The following PRSS38 variants were observed in gnomAD, a reference collection of about 807,000 sequenced individuals.
PRSS38 encodes marapsin 2.
A neutral mutation model predicts 26.8 loss-of-function variants in PRSS38; 22 were observed. That is an observed-to-expected ratio of 0.82 (90% CI 0.59 to 1.17). The LOEUF is 1.17. Among genes scored for constraint, PRSS38 ranks in the 50% most tolerant of loss-of-function variants. The pLI, the probability that PRSS38 is intolerant of heterozygous loss-of-function variation, is 0.00. For missense variants in PRSS38, 427 were observed against 422.7 expected (o/e 1.01, Z -0.09); for synonymous variants, 175 against 172.1 (o/e 1.02, Z -0.13).
chr1:227,842,543 C>T (rs7416023), intron 3 of PRSS38, among the ~76,000 whole-genome samples: 74,432 of 151,886 alleles, frequency 0.49, 19,146 homozygotes, highest in Non-Finnish European at 0.58. Flanking sequence ...TGTGGCCCTG[C>T]CCCATCTGGC....
chr1:227,821,023 A>T (rs1314917019), intron 3 of PRSS38, among the ~76,000 whole-genome samples: 1 of 152,238 alleles, frequency 6.6e-6, no homozygotes, highest in Non-Finnish European at 1.5e-5. Context: ...ACAAATTTAT[A>T]ATCATTTTTG....
At chr1:227,829,088 C>T (rs935853472) in intron 3 of PRSS38, among the ~76,000 whole-genome samples, 2 of 152,208 alleles carry the variant, frequency 1.3e-5, no homozygotes, top group Admixed American at 1.3e-4. Context: ...TCTTCATTCT[C>T]TATGGGTGGA....
At chr1:227,819,066 G>T (rs75932953) in intron 3 of PRSS38, among the ~76,000 whole-genome samples, 1 of 152,070 alleles carries the variant, frequency 6.6e-6, no homozygotes, top group African/African-American at 2.4e-5. Flanking sequence ...TGTAATTCAT[G>T]TGCTCTTATT....
chr1:227,818,337 CTT>C (rs1334506541), intron 3 of PRSS38, among the ~76,000 whole-genome samples: 1 of 152,086 alleles, frequency 6.6e-6, no homozygotes, highest in Non-Finnish European at 1.5e-5. Flanking sequence ...TGCGGCAACT[CTT>C]GAGAGGATCA....
At position 227,816,163 on chromosome 1, in the gene PRSS38, G is replaced by C. The variant is rs1308567892; in HGVS notation, c.222G>C (p.Gln74His). 6.2e-7 allele frequency: 1 copy of C among 1,613,680 alleles called. No homozygotes were observed. The highest frequency in any genetic ancestry group is 1.7e-5 in the Admixed American group (1 of 60,016). Residue 74 changes from glutamine to histidine, a missense_variant, in exon 2 of 5, where the codon CAG becomes CAC. Gln to His is a conservative substitution (Grantham distance 24). Coordinates refer to ENST00000366757, the Ensembl canonical transcript of PRSS38. The surrounding 1 kb of genome is among the most constrained non-coding windows in gnomAD (Gnocchi z 5.1). Reference sequence around the variant, plus strand: ...CGCCCGAGAGGAAGTGGCCGTGGCAGGTCAGCGTGCACTACGCAGGCCTCC... The same window carrying C: ...CGCCCGAGAGGAAGTGGCCGTGGCACGTCAGCGTGCACTACGCAGGCCTCC...
chr1:227,826,277 T>C (rs1481572045), intron 3 of PRSS38, among the ~76,000 whole-genome samples: 3 of 152,192 alleles, frequency 2.0e-5, no homozygotes, highest in Non-Finnish European at 2.9e-5. Context: ...TAAGAAGCTT[T>C]TGGGCTGAGA....
intron 3 of PRSS38, among the ~76,000 whole-genome samples, chr1:227,831,367 GA>G (rs1250466107): frequency 6.6e-6 from 1 of 151,984 alleles, no homozygotes; most frequent in Non-Finnish European, 1.5e-5. Context: ...CTTGTGCTTA[GA>G]AAAAAATACT....
chr1:227,842,111 C>A (rs1011469594), intron 3 of PRSS38, among the ~76,000 whole-genome samples: 1 of 152,192 alleles, frequency 6.6e-6, no homozygotes. Context: ...CCCCAGGACC[C>A]AAATGCCTCC....
chr1:227,835,851 A>G (rs1461539565), intron 3 of PRSS38, among the ~76,000 whole-genome samples: 2 of 152,176 alleles, frequency 1.3e-5, no homozygotes, highest in Non-Finnish European at 2.9e-5. Context: ...AGAAGGTGAT[A>G]ATGATTATAT....
intron 3 of PRSS38, among the ~76,000 whole-genome samples, chr1:227,832,883 A>C (rs1184997125): frequency 1.3e-5 from 2 of 152,200 alleles, no homozygotes; most frequent in Non-Finnish European, 2.9e-5. Flanking sequence ...CTTCTATACA[A>C]CCTCAATGAA....
intron 3 of PRSS38, among the ~76,000 whole-genome samples, chr1:227,835,642 G>A (rs1665227252): frequency 1.3e-5 from 2 of 152,168 alleles, no homozygotes; most frequent in South Asian, 4.1e-4. Flanking sequence ...ACCATAAAAT[G>A]GAATACGTGC....
chr1:227,846,248 C>A, exon 5 of PRSS38: 1 of 1,594,938 alleles, frequency 6.3e-7, no homozygotes, highest in Admixed American at 1.7e-5. Context: ...GGCTGCACAC[C>A]CTGCCCCAGC....
chr1:227,842,605 G>A (rs2102685963), intron 3 of PRSS38, among the ~76,000 whole-genome samples: 1 of 150,118 alleles, frequency 6.7e-6, no homozygotes, highest in South Asian at 2.1e-4. Context: ...TTGAGATGGA[G>A]TTTCACTCTT....
chr1:227,817,103 C>T (rs375636043), intron 2 of PRSS38, 106 bp from the exon 3 acceptor site: 1 of 1,226,780 alleles, frequency 8.2e-7, no homozygotes, highest in Middle Eastern at 2.9e-4. Flanking sequence ...ACTGGCTTTT[C>T]AATCCCACCG....
Position 227,846,077 on chromosome 1 carries a change from T to C in PRSS38, c.850T>C (p.Phe284Leu), listed in dbSNP as rs1001773753. ...TGGAGTGTATGCCAGTGTTTCCTATTTCTCAAAATGGATATGTGATAACAT... is the reference window on the plus strand; with the variant it reads ...TGGAGTGTATGCCAGTGTTTCCTATCTCTCAAAATGGATATGTGATAACAT... The change falls in exon 5 of 5, where the codon TTC becomes CTC. Residue 284 changes from phenylalanine to leucine, a missense_variant. Transcript: ENST00000366757. 2.5e-6 allele frequency: 4 copies of C among 1,614,212 alleles called. No homozygotes were observed. The highest frequency in any genetic ancestry group is 3.4e-6 in the Non-Finnish European group (4 of 1,180,040).
At chr1:227,821,608 T>C (rs938175706) in intron 3 of PRSS38, among the ~76,000 whole-genome samples, 3 of 152,164 alleles carry the variant, frequency 2.0e-5, no homozygotes, top group African/African-American at 2.4e-5. Context: ...TTGTCAGATA[T>C]AGGATTCTTG....
At chr1:227,846,162 C>T (rs768756902) in exon 5 of PRSS38, 2 of 1,613,304 alleles carry the variant, frequency 1.2e-6, no homozygotes, top group Non-Finnish European at 1.7e-6. Context: ...CTGGGGCCCA[C>T]TCTCAGCGTC....
chr1:227,820,987 A>G (rs1664995509), intron 3 of PRSS38, among the ~76,000 whole-genome samples: 1 of 152,214 alleles, frequency 6.6e-6, no homozygotes, highest in Admixed American at 6.5e-5. Context: ...CATCCAAGTT[A>G]TCTCATTTGC....
At chr1:227,845,413 T>TC (rs35270693) in intron 3 of PRSS38, 57 bp from the exon 4 acceptor site, 5 of 1,267,084 alleles carry the variant, frequency 3.9e-6, no homozygotes, top group Non-Finnish European at 5.6e-6. Flanking sequence ...GGGGCAGGGA[T>TC]CCCCCCACCC....
Sources: gnomAD v4.1 joint callset for allele counts (sites outside exome capture counted in the v4.1 genomes callset) on GRCh38, gnomAD v4.1.1 for gene constraint, Gnocchi (gnomAD v3.1) non-coding constraint, MANE v1.5 for transcripts, NCBI Gene and HGNC (gene_info 2026-07-23, HGNC 2026-07-21) for gene names.